Variants in RUFY2 observed in about 807,000 individuals in gnomAD.
RUFY2 encodes RUN and FYVE domain-containing protein 2.
In RUFY2, 49 loss-of-function variants were observed where a neutral mutation model predicts 94.4. The ratio of observed to expected loss-of-function variants is 0.52; its 90% CI spans 0.41 to 0.66. The LOEUF (loss-of-function observed/expected upper bound fraction) is 0.66. Ranked by LOEUF, RUFY2 falls within the 30% of genes least tolerant of loss-of-function variation. The pLI is 0.00. For synonymous variants in RUFY2, 255 were observed against 235.7 expected, an observed-to-expected ratio of 1.08 and a Z score of -0.75; for missense variants, 541 against 692.8, an observed-to-expected ratio of 0.78 and a Z score of 2.46.
At chr10:68,393,337 A>G (rs1230138823) in intron 6 of RUFY2, 134 bp from the exon 7 acceptor site, 1 of 538,228 alleles carries the variant, frequency 1.9e-6, no homozygotes, top group Non-Finnish European at 3.2e-6. Flanking sequence ...AAACATAAGA[A>G]TAATAGTAAA....
intron 1 of RUFY2, chr10:68,406,667 C>T (rs2051338938): frequency 1.6e-6 from 2 of 1,272,042 alleles, no homozygotes; most frequent in Non-Finnish European, 2.1e-6. Context: ...GCCTAGAGCC[C>T]CTTCCCTGCC....
At chr10:68,358,639 A>C (rs1259944384) in intron 15 of RUFY2, among the ~76,000 whole-genome samples, 1 of 152,210 alleles carries the variant, frequency 6.6e-6, no homozygotes, top group Non-Finnish European at 1.5e-5. Context: ...GGCTGGGCAC[A>C]GTGGCTCACA....
intron 13 of RUFY2, among the ~76,000 whole-genome samples, chr10:68,367,607 A>G (rs1173204960): frequency 4.6e-5 from 7 of 152,212 alleles, no homozygotes; most frequent in South Asian, 2.1e-4. Context: ...GGTGTGTGCC[A>G]CAACACCCAG....
chr10:68,405,278 A>G (rs1253470260), intron 1 of RUFY2, among the ~76,000 whole-genome samples: 3 of 145,766 alleles, frequency 2.1e-5, no homozygotes, highest in Admixed American at 7.4e-5. Context: ...GCGCCACTGC[A>G]CTCCAATCTG....
intron 13 of RUFY2, among the ~76,000 whole-genome samples, chr10:68,374,803 A>G (rs2048516173): frequency 6.6e-6 from 1 of 152,082 alleles, no homozygotes; most frequent in South Asian, 2.1e-4. Flanking sequence ...TCTTTTAATA[A>G]CAGAATTGGT....
In RUFY2 at chr10:68,396,879, G is replaced by T. The variant is rs762813735; in HGVS notation, c.299C>A (p.Thr100Asn). ...ASVRDLPGLK[T>N]PLGRARAWLR... is the part of the protein sequence containing the mutation. ...CCACGCTCTTGCTCGACCCAGAGGGGTCCTAAAGAGAAGAACCAATTGATC... is the reference window on the plus strand; with the variant it reads ...CCACGCTCTTGCTCGACCCAGAGGGTTCCTAAAGAGAAGAACCAATTGATC... The change falls in exon 4 of 18, where the codon ACC becomes AAC. Residue 100 changes from threonine (T) to asparagine (N), a missense_variant and splice_region_variant. Around this residue, in one of 3 missense-constraint regions of RUFY2, gnomAD observed 85 missense variants for 153.4 expected, o/e 0.55. Transcript: ENST00000602465. The T allele has an allele frequency of 6.2e-7, 1 of 1,610,744 alleles. No individual in the cohort carries two copies.
intron 15 of RUFY2, among the ~76,000 whole-genome samples, chr10:68,361,292 A>G (rs2132461165): frequency 6.6e-6 from 1 of 152,308 alleles, no homozygotes; most frequent in South Asian, 2.1e-4. Flanking sequence ...AGAGAAAAAA[A>G]AAGTATTAGT....
rs778152114 is a variant in RUFY2, at chr10:68,345,611, A to G, written c.*157T>C. On this transcript the variant is annotated 3_prime_UTR_variant, in exon 18 of 18. Coordinates refer to ENST00000602465, the MANE Select transcript of RUFY2 (RefSeq NM_001330103.2). ...TGAAAAACAATGGGGAAGGAAATAT[A>G]TAACTTGTAATTTCCATGAGCTGAA... is the stretch of plus-strand genomic sequence containing the variant. 1.2e-4 allele frequency: 73 copies of G among 586,966 alleles called. No homozygotes were observed. Among genetic ancestry groups the G allele is most frequent in the Non-Finnish European group, 1.7e-4 (59 of 343,010 alleles). The allele number at this position is 586,966 out of a possible 1,614,324, so 36.4% of individuals were successfully genotyped here. A position where few individuals can be genotyped will look rare whatever the true frequency, so the allele number is the denominator to read the frequency against.
intron 7 of RUFY2, among the ~76,000 whole-genome samples, chr10:68,386,511 G>A (rs908838521): frequency 9.9e-5 from 15 of 152,012 alleles, no homozygotes; most frequent in Admixed American, 5.9e-4. Context: ...CACCATGCCC[G>A]GCTAATTTTT....
chr10:68,345,916 T>C lies in RUFY2; in HGVS notation c.1678-5A>G, dbSNP rs1219086957. On this transcript the variant is annotated splice_region_variant and splice_polypyrimidine_tract_variant and intron_variant, in intron 17 of 17. Transcript: ENST00000602465. ...CCCACAATTTCTACAGTGGTGCTAT[T>C]AAACAGAAAAATCAGAGGGAAAAAA... 1.9e-6 allele frequency: 3 copies of C among 1,612,978 alleles called. No homozygotes were observed. The highest frequency in any genetic ancestry group is 1.3e-5 in the African/African-American group (1 of 74,990).
At chr10:68,407,157 A>G in intron 1 of RUFY2, 29 bp downstream of exon 1, 1 of 1,465,812 alleles carries the variant, frequency 6.8e-7, no homozygotes, top group Non-Finnish European at 8.9e-7. Context: ...CTGAGGGCCT[A>G]GCGTTCGGTT....
rs149057094 is a variant in RUFY2, at chr10:68,393,449, C to T, written c.585-246G>A. 4.0e-3 allele frequency among the ~76,000 whole-genome samples: 610 copies of T among 152,072 alleles called. 2 individuals are homozygous for T. The highest frequency in any genetic ancestry group is 0.017 in the Middle Eastern group (5 of 294). ...TTTTAAATTTAAACATAATTAGGGC[C>T]GGGCACAGTGGCTCATTCCTGTAAT... On this transcript the variant is annotated intron_variant, in intron 6 of 17. Coordinates refer to ENST00000602465, the MANE Select transcript of RUFY2 (RefSeq NM_001330103.2).
At chr10:68,376,476 A>G (rs1390187603) in intron 13 of RUFY2, among the ~76,000 whole-genome samples, 1 of 51,602 alleles carries the variant, frequency 1.9e-5, no homozygotes, top group African/African-American at 6.0e-5. Context: ...ATATATATAT[A>G]TATATATATA....
chr10:68,369,756 T>C (rs777547147), intron 13 of RUFY2, among the ~76,000 whole-genome samples: 6 of 151,918 alleles, frequency 3.9e-5, no homozygotes, highest in Non-Finnish European at 5.9e-5. Context: ...ATCATGTCTC[T>C]ATAAGAAAAA....
At chr10:68,347,278 C>CTTTTTTT (rs66465620) in intron 16 of RUFY2, among the ~76,000 whole-genome samples, 1 of 86,554 alleles carries the variant, frequency 1.2e-5, no homozygotes, top group African/African-American at 4.3e-5. Flanking sequence ...CAACTTGACC[C>CTTTTTTT]TTTTTTTTTT....
intron 8 of RUFY2, among the ~76,000 whole-genome samples, chr10:68,385,478 G>A (rs996828757): frequency 1.3e-5 from 2 of 152,146 alleles, no homozygotes; most frequent in African/African-American, 4.8e-5. Flanking sequence ...CTTTGCACAT[G>A]AGAAGGTGGA....
At chr10:68,357,621 G>GT (rs1245106884) in intron 15 of RUFY2, among the ~76,000 whole-genome samples, 1 of 151,986 alleles carries the variant, frequency 6.6e-6, no homozygotes, top group East Asian at 1.9e-4. Flanking sequence ...TTAATTACCT[G>GT]TGATCCCATT....
chr10:68,376,061 C>T (rs1442060143), intron 13 of RUFY2, among the ~76,000 whole-genome samples: 2 of 150,700 alleles, frequency 1.3e-5, no homozygotes, highest in Non-Finnish European at 3.0e-5. Flanking sequence ...CAAGGTCGTG[C>T]CATTGCACTC....
At chr10:68,364,846 C>A (rs779146482) in intron 13 of RUFY2, among the ~76,000 whole-genome samples, 283 of 151,732 alleles carry the variant, frequency 1.9e-3, no homozygotes, top group Non-Finnish European at 3.5e-3. Context: ...GGCCTGCCAC[C>A]AAAACTCCTA....
Sources: allele counts gnomAD v4.1 joint callset (sites outside exome capture counted in the v4.1 genomes callset), GRCh38; gene constraint gnomAD v4.1.1; regional missense constraint gnomAD v4.1.1; transcripts MANE v1.5; gene names NCBI Gene and HGNC (gene_info 2026-07-23, HGNC 2026-07-21).